The following CDH20 variants were observed in gnomAD, a reference collection of about 807,000 sequenced individuals.
CDH20 encodes the protein cadherin 20, also known as cadherin-20.
A neutral mutation model predicts 74.2 loss-of-function variants in CDH20; 29 were observed. The observed-to-expected ratio is 0.39, with a 90% CI of 0.29 to 0.53. The LOEUF (loss-of-function observed/expected upper bound fraction) is 0.53. CDH20 is among the 20% of genes least tolerant of loss of function. The probability of loss-of-function intolerance (pLI) is 0.69; values close to 1 mark genes in which losing one functional copy is unlikely to be tolerated. For synonymous variants in CDH20, 469 were observed against 405.4 expected (o/e 1.16, Z -1.88); for missense variants, 988 against 1,048.3 (o/e 0.94, Z 0.79).
intron 1 of CDH20, among the ~76,000 whole-genome samples, chr18:61,335,468 C>T (rs1374381714): frequency 6.6e-6 from 1 of 152,182 alleles, no homozygotes; most frequent in African/African-American, 2.4e-5. Flanking sequence ...ACGCTGGCCA[C>T]ATCCCTTCCT....
intron 1 of CDH20, among the ~76,000 whole-genome samples, chr18:61,337,493 A>C (rs540602228): frequency 2.6e-5 from 4 of 152,284 alleles, no homozygotes; most frequent in African/African-American, 9.6e-5. Context: ...TAAATATTTC[A>C]TTTTTGACAT....
chr18:61,473,754 T>C (rs371149901), intron 1 of CDH20, among the ~76,000 whole-genome samples: 2 of 152,186 alleles, frequency 1.3e-5, no homozygotes, highest in Admixed American at 6.5e-5. Context: ...CAAATAACAA[T>C]GATTTTTCCA....
intron 1 of CDH20, among the ~76,000 whole-genome samples, chr18:61,370,880 A>T (rs1012944247): frequency 6.6e-6 from 1 of 152,120 alleles, no homozygotes; most frequent in Non-Finnish European, 1.5e-5. Context: ...ATCAATTTTT[A>T]AGTCAAAAAC....
chr18:61,393,505 G>T (rs1332812160), intron 1 of CDH20, among the ~76,000 whole-genome samples: 1 of 152,186 alleles, frequency 6.6e-6, no homozygotes, highest in African/African-American at 2.4e-5. Context: ...AAAGAAGACT[G>T]CAGTGGTTCA....
At chr18:61,522,078 G>A (rs943198162) in intron 6 of CDH20, among the ~76,000 whole-genome samples, 1 of 152,160 alleles carries the variant, frequency 6.6e-6, no homozygotes, top group Non-Finnish European at 1.5e-5. Context: ...GGGCAATTGG[G>A]CAAGATAAAG....
intron 6 of CDH20, among the ~76,000 whole-genome samples, chr18:61,509,281 G>A (rs766034028): frequency 5.9e-5 from 9 of 152,310 alleles, no homozygotes; most frequent in Middle Eastern, 3.4e-3. Flanking sequence ...GAGAAGTGGC[G>A]TTTATGCAAA....
chr18:61,424,058 A>C (rs1046544204), intron 1 of CDH20, among the ~76,000 whole-genome samples: 2 of 152,236 alleles, frequency 1.3e-5, no homozygotes, highest in African/African-American at 4.8e-5. Flanking sequence ...ACTTGAGTAT[A>C]TGCAACAGTG....
At chr18:61,486,402 T>G (rs1261189412) in intron 1 of CDH20, among the ~76,000 whole-genome samples, 1 of 152,206 alleles carries the variant, frequency 6.6e-6, no homozygotes, top group African/African-American at 2.4e-5. Context: ...ACGAACAACT[T>G]TTTACTCCAA....
intron 11 of CDH20, among the ~76,000 whole-genome samples, chr18:61,553,651 T>A (rs905395910): frequency 6.6e-6 from 1 of 152,210 alleles, no homozygotes; most frequent in African/African-American, 2.4e-5. Context: ...AGACTACAAC[T>A]TTGGTGCACA....
intron 1 of CDH20, among the ~76,000 whole-genome samples, chr18:61,432,290 CT>C (rs1325687630): frequency 6.6e-6 from 1 of 151,684 alleles, no homozygotes; most frequent in African/African-American, 2.4e-5. Context: ...TATGGTCACC[CT>C]ACTGTGCCAC....
chr18:61,504,311 G>T (rs775891565), intron 5 of CDH20, among the ~76,000 whole-genome samples: 3 of 152,190 alleles, frequency 2.0e-5, no homozygotes, highest in Non-Finnish European at 4.4e-5. Context: ...AGGATGAGTG[G>T]AATGGGACAA....
chr18:61,521,904 G>T (rs1912223693), intron 6 of CDH20, among the ~76,000 whole-genome samples: 1 of 152,030 alleles, frequency 6.6e-6, no homozygotes, highest in Non-Finnish European at 1.5e-5. Context: ...AATAAACTAG[G>T]TATTGATGGA....
intron 1 of CDH20, among the ~76,000 whole-genome samples, chr18:61,432,095 A>G (rs531250124): frequency 6.6e-6 from 1 of 152,080 alleles, no homozygotes; most frequent in East Asian, 1.9e-4. Flanking sequence ...AAATACAAAA[A>G]AAATTAGCTG....
At chr18:61,475,081 G>T (rs759572657) in intron 1 of CDH20, among the ~76,000 whole-genome samples, 8 of 152,112 alleles carry the variant, frequency 5.3e-5, no homozygotes, top group Non-Finnish European at 5.9e-5. Context: ...TTTAGCAGGT[G>T]AGTGGTCCGA....
intron 1 of CDH20, among the ~76,000 whole-genome samples, chr18:61,397,951 A>T (rs1912038491): frequency 6.6e-6 from 1 of 152,220 alleles, no homozygotes; most frequent in African/African-American, 2.4e-5. Context: ...TGAATGTAGG[A>T]ATTCATAAAA....
rs1913550346 is a variant in CDH20 at position 61,554,402 on chromosome 18, A to T, written c.2113A>T (p.Ile705Phe). The T allele has an allele frequency of 3.1e-6, 5 of 1,612,922 alleles. No individual in the cohort carries two copies. The highest frequency in any genetic ancestry group is 4.2e-6 in the Non-Finnish European group (5 of 1,179,724). The change falls in exon 12 of 12, where the codon ATC (isoleucine) becomes TTC (phenylalanine). Residue 705 changes from isoleucine to phenylalanine, a missense_variant. Transcript: ENST00000262717. ...PKTRQDMLPEIESLSRYVPQT... is the reference protein window; with the variant it reads ...PKTRQDMLPEFESLSRYVPQT... Reference sequence around the variant, plus strand: ...GACGCGGCAGGACATGCTGCCCGAGATCGAGAGCCTCTCCCGCTACGTGCC... The same window carrying T: ...GACGCGGCAGGACATGCTGCCCGAGTTCGAGAGCCTCTCCCGCTACGTGCC...
intron 1 of CDH20, among the ~76,000 whole-genome samples, chr18:61,475,717 A>G (rs2535358): frequency 0.56 from 85,069 of 152,042 alleles, 24,987 homozygotes; most frequent in African/African-American, 0.75. Flanking sequence ...GAAAATGATC[A>G]ATTGATAATA....
chr18:61,428,537 C>T (rs537882609), intron 1 of CDH20, among the ~76,000 whole-genome samples: 1 of 152,136 alleles, frequency 6.6e-6, no homozygotes, highest in Non-Finnish European at 1.5e-5. Context: ...GGGTCAAGAG[C>T]TCCATTTCCC....
chr18:61,554,315 G>A lies in CDH20; in HGVS notation c.2026G>A (p.Glu676Lys), dbSNP rs1330457757. 1.2e-5 allele frequency: 19 copies of A among 1,613,640 alleles called. No homozygotes were observed. Among genetic ancestry groups the A allele is most frequent in the Non-Finnish European group, 1.5e-5 (18 of 1,179,980 alleles). The change falls in exon 12 of 12, where the codon GAG becomes AAG. Residue 676 changes from glutamate to lysine, a missense_variant. Physicochemically the swap from Glu to Lys is moderately conservative, Grantham distance 56 (BLOSUM62 1). Around this residue, in one of 2 missense-constraint regions of CDH20, gnomAD observed 375 missense variants for 293.1 expected, o/e 1.28. Transcript: ENST00000262717. Reference protein sequence around the residue: ...DDEGGGEEDTEAFDIAAMWNP... With the variant: ...DDEGGGEEDTKAFDIAAMWNP... ...CGAGGGCGGCGGCGAGGAGGACACC[G>A]AGGCCTTCGACATCGCGGCCATGTG...
Sources: gnomAD v4.1 joint callset for allele counts (sites outside exome capture counted in the v4.1 genomes callset) on GRCh38, gnomAD v4.1.1 for gene constraint, gnomAD v4.1.1 regional missense constraint, MANE v1.5 for transcripts, NCBI Gene and HGNC (gene_info 2026-07-23, HGNC 2026-07-21) for gene names.